Variants in SETBP1 observed in about 807,000 individuals in gnomAD.
The protein encoded by SETBP1 is SET binding protein 1.
Under a neutral mutation model 101.0 loss-of-function variants are expected in SETBP1, and 9 were observed. The ratio of observed to expected loss-of-function variants is 0.09; its 90% CI spans 0.05 to 0.16. The LOEUF (loss-of-function observed/expected upper bound fraction) is 0.16. Among genes scored for constraint, SETBP1 ranks in the 10% least tolerant of loss-of-function variants. SETBP1 has a pLI of 1.00. For missense variants in SETBP1, 1,858 were observed against 2,033.8 expected, an observed-to-expected ratio of 0.91 and a Z score of 1.66; for synonymous variants, 818 against 788.5, an observed-to-expected ratio of 1.04 and a Z score of -0.63.
chr18:44,691,220 C>T (rs1286390286), intron 1 of SETBP1, among the ~76,000 whole-genome samples: 4 of 152,150 alleles, frequency 2.6e-5, no homozygotes, highest in Non-Finnish European at 1.5e-5. Flanking sequence ...TTGAGTAAAT[C>T]ATTAACCTTT....
chr18:44,725,129 G>C (rs1229821563), intron 2 of SETBP1, among the ~76,000 whole-genome samples: 1 of 152,112 alleles, frequency 6.6e-6, no homozygotes, highest in Non-Finnish European at 1.5e-5. Flanking sequence ...AATGTAAAAG[G>C]GGCCAGTTTT....
chr18:44,737,160 G>A (rs2144439366), intron 2 of SETBP1, among the ~76,000 whole-genome samples: 1 of 152,362 alleles, frequency 6.6e-6, no homozygotes, highest in East Asian at 1.9e-4. Flanking sequence ...AGCAGGCCTG[G>A]CTTGCTAGAG....
intron 4 of SETBP1, among the ~76,000 whole-genome samples, chr18:44,982,599 G>A (rs992013316): frequency 3.9e-5 from 6 of 152,172 alleles, no homozygotes; most frequent in Admixed American, 2.0e-4. Flanking sequence ...AGTGATAAGC[G>A]AAGTAGTCAT....
chr18:44,969,069 T>C (rs867828866), intron 4 of SETBP1, among the ~76,000 whole-genome samples: 2 of 152,204 alleles, frequency 1.3e-5, no homozygotes, highest in African/African-American at 2.4e-5. Context: ...TTTCATAAAA[T>C]ACCAACCACC....
chr18:44,967,011 C>A (rs766319718), intron 4 of SETBP1, among the ~76,000 whole-genome samples: 2 of 152,142 alleles, frequency 1.3e-5, no homozygotes, highest in African/African-American at 2.4e-5. Context: ...ATAATATATT[C>A]AAACAGAAAA....
At chr18:44,935,891 C>T (rs983231918) in intron 3 of SETBP1, among the ~76,000 whole-genome samples, 5 of 152,198 alleles carry the variant, frequency 3.3e-5, no homozygotes, top group African/African-American at 1.2e-4. Flanking sequence ...AGGACATTCA[C>T]ACGTGAATGT....
intron 2 of SETBP1, among the ~76,000 whole-genome samples, chr18:44,836,036 C>T (rs1026559428): frequency 2.6e-5 from 4 of 152,138 alleles, no homozygotes; most frequent in Admixed American, 6.5e-5. Flanking sequence ...CATTTGGCCA[C>T]GGACAACGAT....
chr18:44,835,515 T>A (rs1274186644), intron 2 of SETBP1, among the ~76,000 whole-genome samples: 2 of 152,214 alleles, frequency 1.3e-5, no homozygotes, highest in African/African-American at 4.8e-5. Context: ...TAATACTTTT[T>A]TTGTCCCATG....
At chr18:44,894,700 A>G (rs568841240) in intron 3 of SETBP1, among the ~76,000 whole-genome samples, 6 of 152,224 alleles carry the variant, frequency 3.9e-5, no homozygotes, top group South Asian at 4.1e-4. Context: ...CTCCCATTTT[A>G]TTCAATTAAA....
At chr18:44,752,443 G>C (rs2041910956) in intron 2 of SETBP1, among the ~76,000 whole-genome samples, 1 of 152,178 alleles carries the variant, frequency 6.6e-6, no homozygotes, top group African/African-American at 2.4e-5. Flanking sequence ...GCAGTTCTTG[G>C]GGAATGACCT....
intron 2 of SETBP1, among the ~76,000 whole-genome samples, chr18:44,841,610 C>G (rs1015901858): frequency 2.0e-5 from 3 of 152,184 alleles, no homozygotes; most frequent in African/African-American, 7.2e-5. Context: ...TAGTTCAGTG[C>G]CTCATCAACT....
chr18:44,918,911 A>G (rs1234877944), intron 3 of SETBP1, among the ~76,000 whole-genome samples: 1 of 152,166 alleles, frequency 6.6e-6, no homozygotes, highest in Non-Finnish European at 1.5e-5. Flanking sequence ...CTTTGCAGAG[A>G]TATGTCAACT....
intron 4 of SETBP1, among the ~76,000 whole-genome samples, chr18:45,028,667 C>T (rs1478194059): frequency 6.6e-6 from 1 of 152,218 alleles, no homozygotes; most frequent in Non-Finnish European, 1.5e-5. Context: ...TCCTCTCCAG[C>T]ACCTGTTGTT....
intron 4 of SETBP1, among the ~76,000 whole-genome samples, chr18:44,978,885 TA>T (rs1283640728): frequency 2.0e-5 from 3 of 152,300 alleles, no homozygotes; most frequent in Admixed American, 2.0e-4. Context: ...CCGGATGTCT[TA>T]AAGATTGTGC....
intron 2 of SETBP1, among the ~76,000 whole-genome samples, chr18:44,723,566 G>A (rs2069647109): frequency 6.6e-6 from 1 of 152,200 alleles, no homozygotes; most frequent in African/African-American, 2.4e-5. Flanking sequence ...TGAGACAGGA[G>A]ACTGAATTGC....
chr18:44,744,080 CT>C (rs372841960), intron 2 of SETBP1, among the ~76,000 whole-genome samples: 256 of 152,332 alleles, frequency 1.7e-3, no homozygotes, highest in African/African-American at 5.9e-3. Flanking sequence ...TGCTACACCC[CT>C]GAACATTTCC....
At chr18:44,855,993 A>T (rs911913027) in intron 2 of SETBP1, among the ~76,000 whole-genome samples, 1 of 150,942 alleles carries the variant, frequency 6.6e-6, no homozygotes, top group East Asian at 1.9e-4. Context: ...TGAGTCCTCT[A>T]GTTTTGGTGT....
intron 3 of SETBP1, among the ~76,000 whole-genome samples, chr18:44,888,276 TAGTTCCTCCTGCCTGA>T (rs375059735): frequency 8.5e-5 from 13 of 152,228 alleles, no homozygotes; most frequent in African/African-American, 3.1e-4. Context: ...GTGAGTTAGT[TAGTTCCTCCTGCCTGA>T]AGGTCCCTTC....
chr18:44,798,353 C>A (rs192590512), intron 2 of SETBP1, among the ~76,000 whole-genome samples: 4 of 152,054 alleles, frequency 2.6e-5, no homozygotes, highest in East Asian at 1.9e-4. Flanking sequence ...AAATTGGGCC[C>A]CAGAGAAGGA....
Sources: allele counts gnomAD v4.1 joint callset (sites outside exome capture counted in the v4.1 genomes callset), GRCh38; gene constraint gnomAD v4.1.1; transcripts MANE v1.5; gene names NCBI Gene and HGNC (gene_info 2026-07-23, HGNC 2026-07-21).